The following FSD2 variants were observed in gnomAD, a reference collection of about 807,000 sequenced individuals.
The protein encoded by FSD2 is fibronectin type III and SPRY domain containing 2.
In FSD2, 71 loss-of-function variants were observed where a neutral mutation model predicts 80.4. The observed-to-expected ratio is 0.88, with a 90% CI of 0.73 to 1.08. FSD2 has a LOEUF of 1.08. Ranked by LOEUF, FSD2 falls within the 50% of genes least tolerant of loss-of-function variation. The pLI is 0.00. For synonymous variants in FSD2, 361 were observed against 329.5 expected (o/e 1.10, Z -1.03); for missense variants, 923 against 913.8 (o/e 1.01, Z -0.13).
Position 82,786,604 on chromosome 15 carries a change from A to T in FSD2, c.642T>A (p.Asp214Glu), listed in dbSNP as rs991619704. 4 of 1,613,074 alleles carry T rather than the reference A, an allele frequency of 2.5e-6. No homozygotes were observed. The highest frequency in any genetic ancestry group is 1.6e-4 in the Middle Eastern group (1 of 6,062). ...PLNEALESAK[D>E]EIHKNMYKLE... ...ATTTGTACATGTTTTTGTGAATTTCATCCTATCCAACAGAGGATCACAAAG... is the reference window on the plus strand; with the variant it reads ...ATTTGTACATGTTTTTGTGAATTTCTTCCTATCCAACAGAGGATCACAAAG... The change falls in exon 3 of 13, where the codon GAT becomes GAA. Residue 214 changes from aspartate (D) to glutamate (E), a missense_variant and splice_region_variant. Asp to Glu is a conservative substitution (Grantham distance 45, BLOSUM62 2). Coordinates refer to ENST00000334574, the MANE Select transcript of FSD2 (RefSeq NM_001007122.4).
At chr15:82,769,597 A>G (rs969650870) in intron 8 of FSD2, among the ~76,000 whole-genome samples, 153 bp downstream of exon 8, 3 of 152,066 alleles carry the variant, frequency 2.0e-5, no homozygotes, top group Non-Finnish European at 2.9e-5. Flanking sequence ...CAAACTAGGC[A>G]TGTAGATTTT....
At chr15:82,799,886 T>C (rs1052831122) in intron 1 of FSD2, among the ~76,000 whole-genome samples, 1 of 152,182 alleles carries the variant, frequency 6.6e-6, no homozygotes, top group Admixed American at 6.5e-5. Context: ...AGAAGATGCC[T>C]GGATGCCCAG....
At chr15:82,794,401 T>C (rs1199142640) in intron 1 of FSD2, among the ~76,000 whole-genome samples, 4 of 152,210 alleles carry the variant, frequency 2.6e-5, no homozygotes, top group Non-Finnish European at 5.9e-5. Context: ...GGCTAGCATA[T>C]GGTCTGTCTT....
chr15:82,788,504 CAAAAAAAA>C (rs11317915), intron 1 of FSD2, among the ~76,000 whole-genome samples: 1 of 66,218 alleles, frequency 1.5e-5, no homozygotes, highest in East Asian at 4.3e-4. Flanking sequence ...GACCCTGTCT[CAAAAAAAA>C]AAAAAAAAAA....
At chr15:82,772,249 A>G (rs1176543265) in intron 6 of FSD2, 21 bp from the exon 7 acceptor site, 2 of 1,594,554 alleles carry the variant, frequency 1.3e-6, no homozygotes, top group Non-Finnish European at 1.7e-6. Context: ...AAAAGAAAAA[A>G]GAAGAGGAAC....
intron 10 of FSD2, among the ~76,000 whole-genome samples, 155 bp downstream of exon 10, chr15:82,765,743 C>A (rs1283699583): frequency 2.0e-5 from 3 of 152,138 alleles, no homozygotes; most frequent in African/African-American, 7.2e-5. Context: ...GCAATTAGGG[C>A]AGTATGGGAC....
At chr15:82,765,748 T>A in intron 10 of FSD2, 150 bp downstream of exon 10, 1 of 904,680 alleles carries the variant, frequency 1.1e-6, no homozygotes, top group South Asian at 2.1e-5. Flanking sequence ...TAGGGCAGTA[T>A]GGGACACCCC....
chr15:82,790,807 G>C (rs2050129769), intron 1 of FSD2, among the ~76,000 whole-genome samples: 2 of 145,996 alleles, frequency 1.4e-5, no homozygotes, highest in Non-Finnish European at 1.5e-5. Flanking sequence ...GGATGGTCTC[G>C]ATCTCCTGAC....
intron 1 of FSD2, among the ~76,000 whole-genome samples, chr15:82,798,672 C>G (rs984639623): frequency 6.6e-6 from 1 of 152,132 alleles, no homozygotes; most frequent in African/African-American, 2.4e-5. Context: ...AAGTTAGCAG[C>G]CAGCTGTTTG....
intron 1 of FSD2, among the ~76,000 whole-genome samples, chr15:82,799,294 T>C (rs1021431523): frequency 3.3e-5 from 5 of 152,138 alleles, no homozygotes; most frequent in Non-Finnish European, 7.4e-5. Context: ...TATTGACCCT[T>C]CTGTGTCCCC....
rs1040960252 is a variant in FSD2, at chr15:82,758,572, G to A, written c.*776C>T. On this transcript the variant is annotated 3_prime_UTR_variant, in exon 13 of 13. Transcript: ENST00000334574. ...TCTTGGCCATAGGTCCTTTGCTGTA[G>A]TTTTGAAAGAGCCCTGCCATCCTTC... 6.5e-6 allele frequency: 1 copy of A among 153,190 alleles called. No homozygotes were observed. The highest frequency in any genetic ancestry group is 2.4e-5 in the African/African-American group (1 of 41,454). 9.5% of individuals were successfully genotyped at this position (153,190 alleles called of 1,614,324 possible). A position where few individuals can be genotyped will look rare whatever the true frequency, so the allele number is the denominator to read the frequency against.
rs779194704 is a variant in FSD2, at chr15:82,759,483, C to T, written c.2115G>A (p.Val705=). The T allele has an allele frequency of 1.2e-6, 2 of 1,613,270 alleles. No homozygotes were observed. The highest frequency in any genetic ancestry group is 2.2e-5 in the South Asian group (2 of 90,872). ...YEHSKLSFFN[V]DLSQHLYTFS... is the part of the protein sequence containing the mutation. Reference sequence around the variant, plus strand: ...ATGTATATAGATGCTGAGAAAGGTCCACATTGAAAAATGACAACTTTGAAT... The same window carrying T: ...ATGTATATAGATGCTGAGAAAGGTCTACATTGAAAAATGACAACTTTGAAT... The change falls in exon 13 of 13, where the codon GTG becomes GTA. Residue 705 remains valine, a synonymous_variant. Coordinates refer to ENST00000334574, the MANE Select transcript of FSD2 (RefSeq NM_001007122.4).
intron 3 of FSD2, among the ~76,000 whole-genome samples, chr15:82,784,599 C>T (rs184413206): frequency 1.1e-4 from 16 of 152,286 alleles, no homozygotes; most frequent in Non-Finnish European, 1.9e-4. Flanking sequence ...TCTACCACTA[C>T]CCTATGCTTG....
chr15:82,766,013 C>CG lies in FSD2; in HGVS notation c.1571dup (p.Thr525AspfsTer57), dbSNP rs752985842. ...GCAGCTGCACCACGGACTCGCAGGT[C>CG]GGGATGCCCACAACAGACCTGTACA... On this transcript the variant is annotated frameshift_variant, in exon 10 of 13. Coordinates refer to ENST00000334574, the MANE Select transcript of FSD2 (RefSeq NM_001007122.4). LOFTEE classifies it high-confidence loss of function. 3 of 1,587,162 alleles carry CG rather than the reference C, an allele frequency of 1.9e-6. No individual in the cohort carries two copies. The African/African-American group carries it at 4.0e-5, about 21-fold the overall frequency.
At chr15:82,759,633 G>T in intron 12 of FSD2, 33 bp from the exon 13 acceptor site, 1 of 1,481,746 alleles carries the variant, frequency 6.7e-7, no homozygotes, top group Non-Finnish European at 9.1e-7. Flanking sequence ...TAAAGTTTCA[G>T]TAATTCTATA....
Position 82,765,151 on chromosome 15 carries a change from C to T in FSD2, c.1820+15G>A, listed in dbSNP as rs1338521287. The stretch of plus-strand genomic sequence containing the variant: ...GAAGTTCACAGAACGCCCTTGTGAG[C>T]GGTTGACAAAGTACCTGGTGAAGTG... On this transcript the variant is annotated intron_variant, in intron 11 of 12. Transcript: ENST00000334574. 3.8e-6 allele frequency: 6 copies of T among 1,579,274 alleles called. No homozygotes were observed. The highest frequency in any genetic ancestry group is 2.3e-5 in the East Asian group (1 of 43,766).
intron 1 of FSD2, among the ~76,000 whole-genome samples, chr15:82,793,846 T>C (rs2050201547): frequency 6.6e-6 from 1 of 152,114 alleles, no homozygotes; most frequent in Non-Finnish European, 1.5e-5. Context: ...ATGCCCCCTT[T>C]TTCATTTCTG....
intron 7 of FSD2, among the ~76,000 whole-genome samples, chr15:82,770,492 A>G (rs1239681067): frequency 6.6e-6 from 1 of 152,174 alleles, no homozygotes; most frequent in Admixed American, 6.5e-5. Context: ...TAACACAGTG[A>G]AACCTCATCT....
chr15:82,769,029 T>TG lies in FSD2; in HGVS notation c.1403dup (p.Pro469ThrfsTer7). ...TGGTTTTAATAATGGGGGGAGAAGGTGCTAAATGTGGGAGAAAGGGAGAGA... is the reference window on the plus strand; with the variant it reads ...TGGTTTTAATAATGGGGGGAGAAGGTGGCTAAATGTGGGAGAAAGGGAGAGA... On this transcript the variant is annotated frameshift_variant and splice_region_variant, in exon 9 of 13. Coordinates refer to ENST00000334574, the MANE Select transcript of FSD2 (RefSeq NM_001007122.4). LOFTEE classifies it high-confidence loss of function. The TG allele has an allele frequency of 6.4e-7, 1 of 1,572,842 alleles. No individual in the cohort carries two copies. The highest frequency in any genetic ancestry group is 2.3e-5 in the East Asian group (1 of 43,320).
Sources: allele counts gnomAD v4.1 joint callset (sites outside exome capture counted in the v4.1 genomes callset), GRCh38; gene constraint gnomAD v4.1.1; transcripts MANE v1.5; gene names NCBI Gene and HGNC (gene_info 2026-07-23, HGNC 2026-07-21).